RGS5: variants seen among roughly 807,000 people sequenced by gnomAD.
RGS5 encodes the protein regulator of G protein signaling 5, also known as regulator of G-protein signalling 5.
A neutral mutation model predicts 18.9 loss-of-function variants in RGS5; 20 were observed. The ratio of observed to expected loss-of-function variants is 1.06; its 90% CI spans 0.74 to 1.54. The LOEUF (loss-of-function observed/expected upper bound fraction) is 1.54. RGS5 is among the 40% of genes most tolerant of loss of function. The pLI is 0.00. For synonymous variants in RGS5, 57 were observed against 76.2 expected, an observed-to-expected ratio of 0.75 and a Z score of 1.31; for missense variants, 201 against 211.8, an observed-to-expected ratio of 0.95 and a Z score of 0.32.
chr1:163,272,120 C>T (rs1327237233), intron 2 of RGS5, among the ~76,000 whole-genome samples: 2 of 151,616 alleles, frequency 1.3e-5, no homozygotes, highest in Non-Finnish European at 2.9e-5. Flanking sequence ...TTATTATAGA[C>T]ATTCTTGTGG....
At chr1:163,312,097 G>A (rs567360367) in intron 1 of RGS5, among the ~76,000 whole-genome samples, 1 of 152,206 alleles carries the variant, frequency 6.6e-6, no homozygotes, top group Non-Finnish European at 1.5e-5. Context: ...GCTGGATCAC[G>A]GGGGTGGTTT....
chr1:163,302,628 C>G (rs994420449), intron 2 of RGS5, among the ~76,000 whole-genome samples: 1 of 152,112 alleles, frequency 6.6e-6, no homozygotes, highest in Non-Finnish European at 1.5e-5. Context: ...TTGGTATGGT[C>G]CTGCCTTCCC....
At chr1:163,296,394 A>G (rs556347468) in intron 2 of RGS5, among the ~76,000 whole-genome samples, 3 of 152,096 alleles carry the variant, frequency 2.0e-5, no homozygotes, top group Non-Finnish European at 2.9e-5. Flanking sequence ...AACATTTCAA[A>G]TTTTCTTCCA....
chr1:163,284,704 GT>G (rs1649098264), intron 2 of RGS5, among the ~76,000 whole-genome samples: 1 of 152,050 alleles, frequency 6.6e-6, no homozygotes, highest in African/African-American at 2.4e-5. Context: ...AAGACATCAA[GT>G]ATCTCCAATA....
Position 163,145,699 on chromosome 1 carries a change from T to C in RGS5, c.*1643A>G, listed in dbSNP as rs554508838. 2.0e-5 allele frequency: 3 copies of C among 152,314 alleles called. No homozygotes were observed. In the East Asian group the frequency reaches 5.8e-4, roughly 29 times the overall value. 9.4% of individuals were successfully genotyped at this position (152,314 alleles called of 1,614,324 possible). On this transcript the variant is annotated 3_prime_UTR_variant, in exon 5 of 5. Coordinates refer to ENST00000313961, the MANE Select transcript of RGS5 (RefSeq NM_003617.4). ...ATGTATTCAGCAGGGCATATTATTC[T>C]TGAAGTCACAAAAATAGGGAAAATC...
chr1:163,209,792 G>T (rs1303801584), intron 1 of RGS5, among the ~76,000 whole-genome samples: 1 of 152,100 alleles, frequency 6.6e-6, no homozygotes, highest in Admixed American at 6.5e-5. Context: ...CTGCAAGAAA[G>T]AGATAGTTTT....
chr1:163,161,830 A>G, intron 3 of RGS5, 85 bp downstream of exon 3: 2 of 1,006,564 alleles, frequency 2.0e-6, no homozygotes, highest in Admixed American at 1.9e-5. Flanking sequence ...ACATTGGGGA[A>G]GAAGAACACA....
At chr1:163,314,299 C>T (rs1049227396) in intron 1 of RGS5, among the ~76,000 whole-genome samples, 1 of 152,006 alleles carries the variant, frequency 6.6e-6, no homozygotes, top group African/African-American at 2.4e-5. Flanking sequence ...GAAAAACTGG[C>T]AGCTGATTTT....
At chr1:163,213,466 G>A (rs1557907738) in intron 1 of RGS5, among the ~76,000 whole-genome samples, 1 of 152,078 alleles carries the variant, frequency 6.6e-6, no homozygotes, top group Admixed American at 6.5e-5. Flanking sequence ...TGAGTGTAAT[G>A]CTAACTTGAT....
In RGS5 at chr1:163,144,411, T is replaced by C. The variant is rs1162294169; in HGVS notation, c.*2931A>G. The C allele has an allele frequency of 6.6e-6, 1 of 152,166 alleles. No individual in the cohort carries two copies. Among genetic ancestry groups the C allele is most frequent in the Non-Finnish European group, 1.5e-5 (1 of 68,024 alleles). 9.4% of individuals were successfully genotyped at this position (152,166 alleles called of 1,614,324 possible). A position where few individuals can be genotyped will look rare whatever the true frequency, so the allele number is the denominator to read the frequency against. On this transcript the variant is annotated 3_prime_UTR_variant, in exon 5 of 5. Transcript: ENST00000313961. ...CTATATCAAACCCAGGCAGAAAAAC[T>C]GAAGTTACAGGCAACTACCTGGGCT...
chr1:163,150,605 G>A (rs1398890043), intron 4 of RGS5, among the ~76,000 whole-genome samples: 1 of 152,150 alleles, frequency 6.6e-6, no homozygotes, highest in Non-Finnish European at 1.5e-5. Context: ...TGCTTAGGGT[G>A]GAGGTTGAGG....
chr1:163,199,907 G>A (rs1240899490), intron 1 of RGS5, among the ~76,000 whole-genome samples: 1 of 152,064 alleles, frequency 6.6e-6, no homozygotes, highest in Non-Finnish European at 1.5e-5. Context: ...CTGTCCTCAA[G>A]GGATCTTCCT....
chr1:163,266,492 T>C (rs767754179), intron 2 of RGS5: 1 of 152,108 alleles, frequency 6.6e-6, no homozygotes, highest in Non-Finnish European at 1.5e-5. Context: ...GTTCTAACCC[T>C]TTAGGTCATA....
chr1:163,151,544 G>T (rs1657375742), intron 4 of RGS5, among the ~76,000 whole-genome samples: 1 of 152,144 alleles, frequency 6.6e-6, no homozygotes, highest in Non-Finnish European at 1.5e-5. Flanking sequence ...GGACCAGGTG[G>T]CAATAATTGA....
At chr1:163,280,170 T>C (rs2940668) in intron 2 of RGS5, among the ~76,000 whole-genome samples, 35,659 of 149,038 alleles carry the variant, frequency 0.24, 5,571 homozygotes, top group East Asian at 0.66. Flanking sequence ...GAGGCCAGCA[T>C]TATCCTAATA....
In RGS5 at chr1:163,157,960, G is replaced by A. The variant is rs142271657; in HGVS notation, c.217+3955C>T. ...TCCAAAGTGCTGGGATTACAGATATGAGCCACCACACTTGGCCCCAGTTGT... is the reference window on the plus strand; with the variant it reads ...TCCAAAGTGCTGGGATTACAGATATAAGCCACCACACTTGGCCCCAGTTGT... On this transcript the variant is annotated intron_variant, in intron 3 of 4. Transcript: ENST00000313961. Among the ~76,000 whole-genome samples, 696 of 152,244 alleles carry A rather than the reference G, an allele frequency of 4.6e-3. 1 individual carries two copies. Among genetic ancestry groups the A allele is most frequent in the African/African-American group, 0.012 (515 of 41,556 alleles).
At chr1:163,312,654 A>G (rs2101650883) in intron 1 of RGS5, among the ~76,000 whole-genome samples, 1 of 152,328 alleles carries the variant, frequency 6.6e-6, no homozygotes, top group East Asian at 1.9e-4. Context: ...TGATTAGGTT[A>G]GATAAAAAAG....
intron 2 of RGS5, among the ~76,000 whole-genome samples, chr1:163,263,577 A>C (rs1381209975): frequency 6.6e-6 from 1 of 152,112 alleles, no homozygotes; most frequent in Non-Finnish European, 1.5e-5. Flanking sequence ...GTCATGGATG[A>C]ACTCCAGTGG....
intron 2 of RGS5, among the ~76,000 whole-genome samples, chr1:163,235,574 AT>A (rs1364700435): frequency 6.6e-6 from 1 of 151,746 alleles, no homozygotes; most frequent in Non-Finnish European, 1.5e-5. Context: ...CTCATCTCTT[AT>A]TTTTCCCCAT....
Sources: gnomAD v4.1 joint callset for allele counts (sites outside exome capture counted in the v4.1 genomes callset) on GRCh38, gnomAD v4.1.1 for gene constraint, MANE v1.5 for transcripts, NCBI Gene and HGNC (gene_info 2026-07-23, HGNC 2026-07-21) for gene names.